MTA3: variants seen among roughly 807,000 people sequenced by gnomAD.
The protein encoded by MTA3 is metastasis associated 1 family member 3, also known as metastasis-associated protein MTA3.
A neutral mutation model predicts 83.5 loss-of-function variants in MTA3; 34 were observed. That is an observed-to-expected ratio of 0.41 (90% CI 0.31 to 0.54). The LOEUF is 0.54. Among genes scored for constraint, MTA3 ranks in the 20% least tolerant of loss-of-function variants. MTA3 has a pLI of 0.33. For synonymous variants in MTA3, 303 were observed against 252.7 expected (o/e 1.20, Z -1.89); for missense variants, 761 against 726.4 (o/e 1.05, Z -0.55).
intron 16 of MTA3, among the ~76,000 whole-genome samples, chr2:42,749,376 C>G (rs530238774): frequency 2.0e-5 from 3 of 152,278 alleles, no homozygotes; most frequent in Non-Finnish European, 2.9e-5. Context: ...CTTACTTTGT[C>G]TCTCTTTTTT....
chr2:42,633,607 C>A (rs1686894467), intron 4 of MTA3, among the ~76,000 whole-genome samples: 1 of 150,222 alleles, frequency 6.7e-6, no homozygotes, highest in Non-Finnish European at 1.5e-5. Context: ...AAATCATATT[C>A]TTGGCTGGGC....
At chr2:42,524,681 C>A (rs551503686) in intron 2 of MTA3, among the ~76,000 whole-genome samples, 3 of 151,856 alleles carry the variant, frequency 2.0e-5, no homozygotes, top group African/African-American at 7.2e-5. Flanking sequence ...TATTGCTCTT[C>A]ACATACCCTG....
At chr2:42,748,951 T>C (rs2104601407) in intron 16 of MTA3, among the ~76,000 whole-genome samples, 1 of 152,338 alleles carries the variant, frequency 6.6e-6, no homozygotes, top group South Asian at 2.1e-4. Flanking sequence ...GGGATTTCAA[T>C]GGAAAGACCA....
At chr2:42,518,657 A>G (rs1675266049) in intron 2 of MTA3, among the ~76,000 whole-genome samples, 1 of 152,082 alleles carries the variant, frequency 6.6e-6, no homozygotes, top group Non-Finnish European at 1.5e-5. Context: ...TGAAGTGTAG[A>G]TTGCTCATAA....
At chr2:42,538,767 G>GTTTTTTTTT (rs1306095679) in intron 2 of MTA3, among the ~76,000 whole-genome samples, 2 of 72,704 alleles carry the variant, frequency 2.8e-5, no homozygotes, top group African/African-American at 6.0e-5. Context: ...TGTTTTTTTT[G>GTTTTTTTTT]TTTTTTTTTG....
At chr2:42,577,109 T>A (rs2374418) in intron 2 of MTA3, among the ~76,000 whole-genome samples, 28,149 of 60,054 alleles carry the variant, frequency 0.47, 4,925 homozygotes, top group African/African-American at 0.55. Flanking sequence ...AAAAAAAATA[T>A]ATATATATAT....
At chr2:42,751,867 C>G (rs913756051) in intron 16 of MTA3, among the ~76,000 whole-genome samples, 1 of 152,194 alleles carries the variant, frequency 6.6e-6, no homozygotes, top group Non-Finnish European at 1.5e-5. Context: ...GACGCTGACA[C>G]TTACATAACC....
intron 16 of MTA3, among the ~76,000 whole-genome samples, chr2:42,745,824 C>T (rs201991086): frequency 3.0e-4 from 36 of 119,364 alleles, no homozygotes; most frequent in South Asian, 6.1e-4. Flanking sequence ...AAATAGTCCT[C>T]TTTTTTTTGA....
At chr2:42,575,201 C>A (rs762867225) in intron 2 of MTA3, among the ~76,000 whole-genome samples, 1 of 152,072 alleles carries the variant, frequency 6.6e-6, no homozygotes, top group Non-Finnish European at 1.5e-5. Flanking sequence ...TTAGGAGGAC[C>A]GTTTATTTGT....
intron 5 of MTA3, among the ~76,000 whole-genome samples, chr2:42,641,829 A>C (rs955362478): frequency 6.6e-6 from 1 of 151,968 alleles, no homozygotes; most frequent in East Asian, 1.9e-4. Flanking sequence ...TCGCGCTACT[A>C]TACCTCTAGT....
chr2:42,535,529 C>T (rs1266398231), intron 2 of MTA3, among the ~76,000 whole-genome samples: 1 of 152,170 alleles, frequency 6.6e-6, no homozygotes, highest in East Asian at 1.9e-4. Context: ...ACCCAACTCC[C>T]TTCCTTCCTT....
chr2:42,623,759 C>G (rs1573351453), intron 4 of MTA3, among the ~76,000 whole-genome samples: 2 of 147,132 alleles, frequency 1.4e-5, no homozygotes, highest in East Asian at 4.0e-4. Flanking sequence ...GGCACAATCT[C>G]TGCTCACGGC....
chr2:42,549,232 T>G (rs1411799101), intron 2 of MTA3, among the ~76,000 whole-genome samples: 1 of 122,786 alleles, frequency 8.1e-6, no homozygotes, highest in Non-Finnish European at 1.6e-5. Flanking sequence ...ATATTATATA[T>G]GTATACGTAT....
intron 3 of MTA3, among the ~76,000 whole-genome samples, chr2:42,600,542 G>C (rs1461723188): frequency 6.8e-6 from 1 of 147,534 alleles, no homozygotes; most frequent in Admixed American, 6.8e-5. Context: ...TCAGGCCCAT[G>C]TTTCTTTGTT....
At chr2:42,642,166 T>A (rs180791891) in intron 5 of MTA3, among the ~76,000 whole-genome samples, 7 of 152,268 alleles carry the variant, frequency 4.6e-5, no homozygotes, top group African/African-American at 1.7e-4. Context: ...TTTTACAACT[T>A]CTATTATAAA....
chr2:42,545,494 G>A (rs1421728465), intron 2 of MTA3, among the ~76,000 whole-genome samples: 1 of 152,168 alleles, frequency 6.6e-6, no homozygotes, highest in South Asian at 2.1e-4. Flanking sequence ...TATGTTTGAG[G>A]GATGGAAGGG....
chr2:42,520,057 A>C (rs1302812799), intron 2 of MTA3, among the ~76,000 whole-genome samples: 2 of 152,164 alleles, frequency 1.3e-5, no homozygotes, highest in Non-Finnish European at 2.9e-5. Flanking sequence ...AAAATAAATA[A>C]AGTGATTGAG....
At chr2:42,681,724 G>A (rs968522363) in intron 8 of MTA3, among the ~76,000 whole-genome samples, 10 of 151,248 alleles carry the variant, frequency 6.6e-5, no homozygotes, top group African/African-American at 2.4e-4. Flanking sequence ...TGCCCACACT[G>A]GTCTTAAAAC....
chr2:42,540,181 T>TG (rs903238776), intron 2 of MTA3, among the ~76,000 whole-genome samples: 6 of 150,254 alleles, frequency 4.0e-5, no homozygotes, highest in Non-Finnish European at 8.9e-5. Flanking sequence ...TTTTTTTTTT[T>TG]TTTTTTTTTG....
Sources: allele counts gnomAD v4.1 joint callset (sites outside exome capture counted in the v4.1 genomes callset), GRCh38; gene constraint gnomAD v4.1.1; transcripts MANE v1.5; gene names NCBI Gene and HGNC (gene_info 2026-07-23, HGNC 2026-07-21).